SSH2: variants seen among roughly 807,000 people sequenced by gnomAD.
The protein encoded by SSH2 is slingshot protein phosphatase 2, also known as protein phosphatase Slingshot homolog 2.
Under a neutral mutation model 135.2 loss-of-function variants are expected in SSH2, and 37 were observed. The observed-to-expected ratio is 0.27, with a 90% CI of 0.21 to 0.36. The LOEUF (loss-of-function observed/expected upper bound fraction) is 0.36. SSH2 is among the 10% of genes least tolerant of loss of function. The pLI is 1.00. For missense variants in SSH2, 1,408 were observed against 1,765.3 expected (o/e 0.80, Z 3.63); for synonymous variants, 628 against 646.2 (o/e 0.97, Z 0.43).
intron 3 of SSH2, among the ~76,000 whole-genome samples, chr17:29,749,455 T>C (rs981181010): frequency 2.0e-5 from 3 of 152,202 alleles, no homozygotes; most frequent in African/African-American, 7.2e-5. Context: ...CTGAATACTG[T>C]AGGCCAACTG....
intron 3 of SSH2, among the ~76,000 whole-genome samples, chr17:29,747,824 C>T (rs1400454578): frequency 6.6e-6 from 1 of 152,094 alleles, no homozygotes; most frequent in East Asian, 1.9e-4. Context: ...CTGGAAGGAC[C>T]CAAGAGCAGA....
chr17:29,787,758 G>C (rs1412306523), intron 3 of SSH2: 2 of 150,976 alleles, frequency 1.3e-5, no homozygotes, highest in African/African-American at 4.9e-5. Flanking sequence ...AAGAGACAGG[G>C]TCTTGTACTG....
intron 5 of SSH2, among the ~76,000 whole-genome samples, chr17:29,691,015 A>G (rs1195720195): frequency 6.6e-6 from 1 of 152,090 alleles, no homozygotes; most frequent in African/African-American, 2.4e-5. Flanking sequence ...ATACTTATCC[A>G]AATTGCTGAG....
intron 8 of SSH2, among the ~76,000 whole-genome samples, chr17:29,675,351 A>C (rs2037661924): frequency 6.6e-6 from 1 of 151,988 alleles, no homozygotes. Flanking sequence ...CTTGCATTCT[A>C]TCCATTCCGC....
At chr17:29,760,707 T>C (rs1006605823) in intron 3 of SSH2, among the ~76,000 whole-genome samples, 1 of 151,332 alleles carries the variant, frequency 6.6e-6, no homozygotes, top group Non-Finnish European at 1.5e-5. Flanking sequence ...TTTTTGTAAA[T>C]GGTTAGCAAT....
At chr17:29,867,169 T>C (rs1362005503) in intron 1 of SSH2, among the ~76,000 whole-genome samples, 1 of 152,168 alleles carries the variant, frequency 6.6e-6, no homozygotes, top group Middle Eastern at 3.2e-3. Flanking sequence ...TCAGTCCTGT[T>C]AACTTCATGA....
At chr17:29,887,867 C>A (rs1485950924) in intron 1 of SSH2, among the ~76,000 whole-genome samples, 1 of 152,126 alleles carries the variant, frequency 6.6e-6, no homozygotes, top group Non-Finnish European at 1.5e-5. Context: ...ATTTCCTTAT[C>A]TTTTATAAAA....
At chr17:29,640,127 G>A (rs989083390) in intron 14 of SSH2, among the ~76,000 whole-genome samples, 1 of 149,608 alleles carries the variant, frequency 6.7e-6, no homozygotes, top group East Asian at 2.0e-4. Context: ...CACCCAGGCT[G>A]GAGTGCAGTG....
chr17:29,658,867 CA>C (rs541052752), intron 11 of SSH2, among the ~76,000 whole-genome samples: 1,341 of 33,416 alleles, frequency 0.04, 8 homozygotes, highest in East Asian at 0.22. Context: ...AACTCCGTCT[CA>C]AAAAAAAAAA....
chr17:29,823,459 C>A (rs77684896), intron 2 of SSH2, among the ~76,000 whole-genome samples: 3 of 152,184 alleles, frequency 2.0e-5, no homozygotes, highest in Non-Finnish European at 2.9e-5. Context: ...AGCTCTAACA[C>A]CCCACATTGG....
intron 3 of SSH2, among the ~76,000 whole-genome samples, chr17:29,721,034 A>C (rs1462427199): frequency 6.6e-6 from 1 of 152,208 alleles, no homozygotes; most frequent in African/African-American, 2.4e-5. Flanking sequence ...CCAATGTTTA[A>C]CAGTTCAAAT....
At position 29,921,001 on chromosome 17, in the gene SSH2, G is replaced by C. The variant is rs2090379065; in HGVS notation, c.63+8937C>G. Among the ~76,000 whole-genome samples, 5 of 151,750 alleles carry C rather than the reference G, an allele frequency of 3.3e-5. No individual in the cohort carries two copies. The South Asian group carries it at 1.0e-3, about 32-fold the overall frequency. On this transcript the variant is annotated intron_variant, in intron 1 of 15. Coordinates refer to ENST00000540801, the MANE Select transcript of SSH2 (RefSeq NM_001282129.2). ...AAGTAAATAGCCATGAAGAAAGCTG[G>C]GCAAAGAACATGAACGATTTACAAA...
At chr17:29,690,734 A>T (rs2038432915) in intron 5 of SSH2, among the ~76,000 whole-genome samples, 1 of 152,094 alleles carries the variant, frequency 6.6e-6, no homozygotes, top group Non-Finnish European at 1.5e-5. Flanking sequence ...ATTTTTTTTT[A>T]AATCAGTCTG....
intron 11 of SSH2, among the ~76,000 whole-genome samples, chr17:29,662,465 G>A (rs1315254711): frequency 6.6e-6 from 1 of 152,176 alleles, no homozygotes; most frequent in Non-Finnish European, 1.5e-5. Context: ...GGCATAAGCT[G>A]TTTATTAACT....
At chr17:29,678,740 A>T (rs1448555375) in intron 6 of SSH2, among the ~76,000 whole-genome samples, 1 of 127,612 alleles carries the variant, frequency 7.8e-6, no homozygotes, top group East Asian at 2.3e-4. Flanking sequence ...TTTGAGACAG[A>T]GTCTCCCTCT....
At chr17:29,680,571 A>AC (rs2037934148) in intron 6 of SSH2, among the ~76,000 whole-genome samples, 1 of 148,506 alleles carries the variant, frequency 6.7e-6, no homozygotes, top group East Asian at 1.9e-4. Context: ...AAAAAAAAAA[A>AC]AAAAAAAAAG....
At chr17:29,688,866 T>C (rs1364711353) in intron 5 of SSH2, among the ~76,000 whole-genome samples, 4 of 152,050 alleles carry the variant, frequency 2.6e-5, no homozygotes, top group African/African-American at 9.7e-5. Context: ...TAATTAAAGT[T>C]CCTTTTAGGC....
At chr17:29,888,638 T>C (rs1599146090) in intron 1 of SSH2, among the ~76,000 whole-genome samples, 1 of 151,782 alleles carries the variant, frequency 6.6e-6, no homozygotes, top group East Asian at 1.9e-4. Context: ...AAAAAGTCAG[T>C]ATAAAGAAAG....
chr17:29,840,899 T>C (rs1012557909), intron 2 of SSH2, among the ~76,000 whole-genome samples: 9 of 152,224 alleles, frequency 5.9e-5, no homozygotes, highest in African/African-American at 1.9e-4. Context: ...AGTCAGTAAG[T>C]GGTGAAGCTG....
Sources: allele counts gnomAD v4.1 joint callset (sites outside exome capture counted in the v4.1 genomes callset), GRCh38; gene constraint gnomAD v4.1.1; transcripts MANE v1.5; gene names NCBI Gene and HGNC (gene_info 2026-07-23, HGNC 2026-07-21).